The following UNC79 variants were observed in gnomAD, a reference collection of about 807,000 sequenced individuals.
The protein encoded by UNC79 is unc-79 subunit of NALCN channel complex.
UNC79 carries 37 observed loss-of-function variants against 283.1 expected under a neutral mutation model. The observed-to-expected ratio is 0.13, with a 90% CI of 0.10 to 0.17. The LOEUF (loss-of-function observed/expected upper bound fraction) is 0.17. UNC79 is among the 10% of genes least tolerant of loss of function. The pLI, the probability that UNC79 is intolerant of heterozygous loss-of-function variation, is 1.00. For synonymous variants in UNC79, 1,107 were observed against 1,200.2 expected, an observed-to-expected ratio of 0.92 and a Z score of 1.61; for missense variants, 2,272 against 3,211.1, an observed-to-expected ratio of 0.71 and a Z score of 7.07.
At chr14:93,572,626 G>T (rs2063270362) in intron 15 of UNC79, 67 bp from the exon 16 acceptor site, 2 of 1,591,090 alleles carry the variant, frequency 1.3e-6, no homozygotes, top group South Asian at 2.3e-5. Context: ...TTAGAAAGAC[G>T]GTGGTGGTAT....
At chr14:93,464,797 G>A (rs1389880012) in intron 1 of UNC79, among the ~76,000 whole-genome samples, 1 of 152,174 alleles carries the variant, frequency 6.6e-6, no homozygotes, top group Non-Finnish European at 1.5e-5. Context: ...GGAGTAAAGA[G>A]GAGCCCTGCT....
chr14:93,622,828 A>G (rs1303818131), exon 30 of UNC79: 2 of 1,613,264 alleles, frequency 1.2e-6, no homozygotes, highest in African/African-American at 2.7e-5. Flanking sequence ...AACTGGGAGA[A>G]CAGAAAGATC....
intron 14 of UNC79, among the ~76,000 whole-genome samples, chr14:93,565,511 A>G (rs1291831162): frequency 2.6e-5 from 4 of 152,164 alleles, no homozygotes; most frequent in Admixed American, 2.6e-4. Flanking sequence ...GCCCTAGGGT[A>G]TCCTGTTCTT....
chr14:93,421,083 GAAGA>G (rs1376542677), intron 1 of UNC79, among the ~76,000 whole-genome samples: 2 of 151,334 alleles, frequency 1.3e-5, no homozygotes, highest in Non-Finnish European at 3.0e-5. Flanking sequence ...AAAATTTTTA[GAAGA>G]AAGAAATAAT....
intron 5 of UNC79, among the ~76,000 whole-genome samples, chr14:93,492,139 T>A (rs2058757620): frequency 6.6e-6 from 1 of 152,192 alleles, no homozygotes; most frequent in African/African-American, 2.4e-5. Flanking sequence ...CACAAAAACA[T>A]AAGATATGGT....
chr14:93,392,359 TA>T (rs1445368115), intron 1 of UNC79, among the ~76,000 whole-genome samples: 1 of 152,136 alleles, frequency 6.6e-6, no homozygotes, highest in Non-Finnish European at 1.5e-5. Context: ...TATTTAATGT[TA>T]AAAAATAAGC....
At chr14:93,407,870 A>G (rs1324410164) in intron 1 of UNC79, among the ~76,000 whole-genome samples, 1 of 152,224 alleles carries the variant, frequency 6.6e-6, no homozygotes, top group Non-Finnish European at 1.5e-5. Context: ...AGGCATTTTT[A>G]GGGAAACTCA....
intron 1 of UNC79, among the ~76,000 whole-genome samples, chr14:93,398,238 C>T (rs1035207537): frequency 2.0e-5 from 3 of 152,026 alleles, no homozygotes; most frequent in Non-Finnish European, 4.4e-5. Context: ...TTGGTAATAC[C>T]TACAGGATAG....
intron 1 of UNC79, among the ~76,000 whole-genome samples, chr14:93,352,738 CTGTT>C (rs2054002335): frequency 6.6e-6 from 1 of 152,140 alleles, no homozygotes; most frequent in African/African-American, 2.4e-5. Flanking sequence ...TATTTTATGT[CTGTT>C]TCTTTTTAAA....
At chr14:93,374,777 G>A (rs562887064) in intron 1 of UNC79, among the ~76,000 whole-genome samples, 2 of 152,272 alleles carry the variant, frequency 1.3e-5, no homozygotes, top group East Asian at 3.9e-4. Flanking sequence ...AAACTCCTGG[G>A]TTCAAGTGAT....
chr14:93,361,384 G>T (rs1327154197), intron 1 of UNC79, among the ~76,000 whole-genome samples: 1 of 151,800 alleles, frequency 6.6e-6, no homozygotes, highest in Non-Finnish European at 1.5e-5. Context: ...GGGCATGGTG[G>T]CCTGTGGTCT....
intron 9 of UNC79, 118 bp from the exon 10 acceptor site, chr14:93,529,168 T>G: frequency 1.0e-6 from 1 of 967,858 alleles, no homozygotes; most frequent in Non-Finnish European, 1.5e-6. Flanking sequence ...GATAGTGCTC[T>G]TAATTATACT....
upstream of UNC79, among the ~76,000 whole-genome samples, chr14:93,427,907 TA>T (rs1227809208): frequency 6.6e-6 from 1 of 152,138 alleles, no homozygotes; most frequent in Non-Finnish European, 1.5e-5. Flanking sequence ...GTGGTAACAT[TA>T]GTGTTCATGA....
At chr14:93,698,570 C>A (rs1361591785) in intron 47 of UNC79, among the ~76,000 whole-genome samples, 1 of 148,176 alleles carries the variant, frequency 6.7e-6, no homozygotes, top group Non-Finnish European at 1.5e-5. Flanking sequence ...GCCACAACCT[C>A]TGCCTCCCGG....
At chr14:93,631,546 G>A (rs1166727328) in intron 31 of UNC79, among the ~76,000 whole-genome samples, 9 of 152,180 alleles carry the variant, frequency 5.9e-5, no homozygotes, top group Non-Finnish European at 8.8e-5. Flanking sequence ...GGTTAATTAC[G>A]AGACTTTAGC....
rs936428817 is a variant in UNC79, at chr14:93,521,868, A to C, written c.899-2110A>C. ...CAAAATCAATTGTAGTGCTTTTCCC[A>C]ATTAGAAATACCTGTGTTCTATCCT... On this transcript the variant is annotated intron_variant, in intron 7 of 48. Transcript: ENST00000555664. 3.3e-5 allele frequency among the ~76,000 whole-genome samples: 5 copies of C among 150,228 alleles called. No individual in the cohort carries two copies. The East Asian group carries it at 9.8e-4, about 29-fold the overall frequency.
At chr14:93,632,367 A>G (rs2068097314) in intron 31 of UNC79, among the ~76,000 whole-genome samples, 1 of 152,208 alleles carries the variant, frequency 6.6e-6, no homozygotes, top group South Asian at 2.1e-4. Flanking sequence ...TAAAATCATA[A>G]AAGTGTATCT....
intron 20 of UNC79, among the ~76,000 whole-genome samples, chr14:93,583,005 T>A (rs2063926698): frequency 6.6e-6 from 1 of 152,068 alleles, no homozygotes; most frequent in Non-Finnish European, 1.5e-5. Context: ...TCTTCCTGCA[T>A]CCATGATCCG....
At chr14:93,560,800 A>T (rs574946206) in intron 14 of UNC79, among the ~76,000 whole-genome samples, 2 of 152,068 alleles carry the variant, frequency 1.3e-5, no homozygotes, top group Non-Finnish European at 2.9e-5. Context: ...ATGAGAAGGA[A>T]TGCTGAAAGG....
Sources: gnomAD v4.1 joint callset for allele counts (sites outside exome capture counted in the v4.1 genomes callset) on GRCh38, gnomAD v4.1.1 for gene constraint, MANE v1.5 for transcripts, NCBI Gene and HGNC (gene_info 2026-07-23, HGNC 2026-07-21) for gene names.